The following PRKN variants were observed in gnomAD, a reference collection of about 807,000 sequenced individuals.
PRKN encodes the protein E3 ubiquitin-protein ligase parkin.
A neutral mutation model predicts 59.5 loss-of-function variants in PRKN; 56 were observed. That is an observed-to-expected ratio of 0.94 (90% confidence interval 0.76 to 1.18). The LOEUF (loss-of-function observed/expected upper bound fraction) is 1.18, where lower values mean the gene tolerates loss of function less well. PRKN is among the 50% of genes most tolerant of loss of function. The probability of loss-of-function intolerance (pLI) is 0.00; values close to 1 mark genes in which losing one functional copy is unlikely to be tolerated. For missense variants in PRKN, 657 were observed against 596.4 expected (o/e 1.10, Z -1.06); for synonymous variants, 250 against 222.1 (o/e 1.13, Z -1.12).
At chr6:162,518,610 G>A (rs776902230) in intron 1 of PRKN, among the ~76,000 whole-genome samples, 15 of 152,156 alleles carry the variant, frequency 9.9e-5, no homozygotes, top group Non-Finnish European at 1.3e-4. Flanking sequence ...CAAGTGATCC[G>A]CCCACCTTGG....
intron 3 of PRKN, among the ~76,000 whole-genome samples, chr6:162,258,111 A>G (rs1187601581): frequency 6.6e-6 from 1 of 152,054 alleles, no homozygotes; most frequent in Non-Finnish European, 1.5e-5. Flanking sequence ...CCCTCCTCAC[A>G]GTTTAGCTCA....
intron 7 of PRKN, among the ~76,000 whole-genome samples, chr6:161,633,935 G>A (rs1242973050): frequency 1.3e-5 from 2 of 151,520 alleles, no homozygotes; most frequent in African/African-American, 2.4e-5. Flanking sequence ...AAAGCTGGGT[G>A]CTAAAAATGT....
chr6:161,450,482 T>C (rs966521977), intron 9 of PRKN, among the ~76,000 whole-genome samples: 2 of 152,266 alleles, frequency 1.3e-5, no homozygotes, highest in Non-Finnish European at 2.9e-5. Flanking sequence ...CAATGCCCAA[T>C]TGTTTTCTTG....
chr6:162,400,273 T>A (rs1197259611), intron 2 of PRKN, among the ~76,000 whole-genome samples: 1 of 149,012 alleles, frequency 6.7e-6, no homozygotes, highest in Middle Eastern at 3.5e-3. Flanking sequence ...CATATGGAAA[T>A]AACACTTTGT....
At chr6:162,304,880 T>G (rs921123869) in intron 2 of PRKN, among the ~76,000 whole-genome samples, 1 of 152,074 alleles carries the variant, frequency 6.6e-6, no homozygotes, top group South Asian at 2.1e-4. Flanking sequence ...AAAATGGAAA[T>G]CCAGGTTTTT....
chr6:162,313,991 G>T (rs1035794195), intron 2 of PRKN, among the ~76,000 whole-genome samples: 1 of 152,112 alleles, frequency 6.6e-6, no homozygotes, highest in Non-Finnish European at 1.5e-5. Flanking sequence ...AGGCACAACT[G>T]ACAAAAAGAG....
intron 3 of PRKN, among the ~76,000 whole-genome samples, chr6:162,250,192 G>A (rs1006767336): frequency 6.6e-6 from 1 of 151,676 alleles, no homozygotes; most frequent in East Asian, 1.9e-4. Flanking sequence ...TATAAGGGGG[G>A]GGGCAGGGAA....
Position 162,061,830 on chromosome 6 carries a change from A to C in PRKN, c.535-7656T>G, listed in dbSNP as rs543027447. ...GGGAGAATAATCGCTTTTCTTGTAGACTTTCTATAGTAGCTACAAAAAAAT... is the reference window on the plus strand; with the variant it reads ...GGGAGAATAATCGCTTTTCTTGTAGCCTTTCTATAGTAGCTACAAAAAAAT... On this transcript the variant is annotated intron_variant, in intron 4 of 11. Coordinates refer to ENST00000366898, the MANE Select transcript of PRKN (RefSeq NM_004562.3). Among the ~76,000 whole-genome samples, 5 of 152,320 alleles carry C rather than the reference A, an allele frequency of 3.3e-5. No homozygotes were observed. In the South Asian group the frequency reaches 1.0e-3, roughly 32 times the overall value.
At chr6:161,874,411 T>C (rs1443587924) in intron 6 of PRKN, among the ~76,000 whole-genome samples, 1 of 84,454 alleles carries the variant, frequency 1.2e-5, no homozygotes, top group Non-Finnish European at 2.1e-5. Context: ...ATATTATATA[T>C]AAAATATATA....
chr6:161,541,188 T>C (rs988617940), intron 9 of PRKN, among the ~76,000 whole-genome samples: 1 of 152,202 alleles, frequency 6.6e-6, no homozygotes, highest in Admixed American at 6.5e-5. Context: ...TTCAATACAG[T>C]AGCCACTTGC....
intron 7 of PRKN, among the ~76,000 whole-genome samples, chr6:161,721,248 T>C (rs1202518464): frequency 6.6e-6 from 1 of 152,272 alleles, no homozygotes; most frequent in African/African-American, 2.4e-5. Context: ...CCTTGAAATA[T>C]GACCAACTGA....
At chr6:161,491,724 A>G (rs1048524460) in intron 9 of PRKN, among the ~76,000 whole-genome samples, 1 of 151,650 alleles carries the variant, frequency 6.6e-6, no homozygotes, top group Non-Finnish European at 1.5e-5. Context: ...TCTGCCTCCC[A>G]GGTTCAAGCA....
chr6:161,963,056 T>C (rs1780443617), intron 6 of PRKN, among the ~76,000 whole-genome samples: 2 of 152,100 alleles, frequency 1.3e-5, no homozygotes, highest in African/African-American at 4.8e-5. Context: ...GGCAGGAGAA[T>C]CGCTTGAACC....
intron 2 of PRKN, among the ~76,000 whole-genome samples, chr6:162,268,100 C>T (rs944740615): frequency 3.9e-5 from 6 of 152,026 alleles, no homozygotes; most frequent in Admixed American, 3.3e-4. Context: ...ATATACTTAG[C>T]CGTATATTGC....
At chr6:161,874,902 TATATATTATAAAA>T (rs1794637996) in intron 6 of PRKN, among the ~76,000 whole-genome samples, 1 of 107,594 alleles carries the variant, frequency 9.3e-6, no homozygotes, top group African/African-American at 4.2e-5. Context: ...TAATATATAA[TATATATTATAAAA>T]TATAAAATAT....
In PRKN at chr6:161,582,818, G is replaced by A. The variant is rs1431207436; in HGVS notation, c.872-13402C>T. ...ATTGAGTTCAGAGCTGTCGTCTTAT[G>A]ACTCAGATCCATGTTCACCCAGGTT... On this transcript the variant is annotated intron_variant, in intron 7 of 11. Transcript: ENST00000366898. This position sits in a 1 kb window ranked among gnomAD's most constrained non-coding sequence, Gnocchi z 4.4. Among the ~76,000 whole-genome samples the A allele has an allele frequency of 1.3e-5, 2 of 152,030 alleles. No individual in the cohort carries two copies. Among genetic ancestry groups the A allele is most frequent in the Non-Finnish European group, 2.9e-5 (2 of 68,002 alleles).
At chr6:162,352,378 G>A (rs557665347) in intron 2 of PRKN, among the ~76,000 whole-genome samples, 2 of 152,284 alleles carry the variant, frequency 1.3e-5, no homozygotes, top group South Asian at 4.1e-4. Context: ...AACAGAAAAG[G>A]CTGTGTGTCA....
chr6:162,664,239 C>T (rs538866759), intron 1 of PRKN, among the ~76,000 whole-genome samples: 45 of 152,286 alleles, frequency 3.0e-4, no homozygotes, highest in African/African-American at 1.0e-3. Context: ...TTTTTTATGG[C>T]TGCATAGTAT....
intron 7 of PRKN, among the ~76,000 whole-genome samples, chr6:161,630,201 T>A (rs1562569544): frequency 6.6e-6 from 1 of 152,156 alleles, no homozygotes; most frequent in African/African-American, 2.4e-5. Flanking sequence ...AAGCAGAGCC[T>A]TTAGGGTCTG....
Sources: allele counts gnomAD v4.1 joint callset (sites outside exome capture counted in the v4.1 genomes callset), GRCh38; gene constraint gnomAD v4.1.1; non-coding constraint Gnocchi (gnomAD v3.1); transcripts MANE v1.5; gene names NCBI Gene and HGNC (gene_info 2026-07-23, HGNC 2026-07-21).